Variants in SPTBN1 observed in about 807,000 individuals in gnomAD.
SPTBN1 encodes the protein spectrin beta, non-erythrocytic 1.
SPTBN1 carries 32 observed loss-of-function variants against 266.4 expected under a neutral mutation model. That is an observed-to-expected ratio of 0.12 (90% confidence interval 0.09 to 0.16). The LOEUF is 0.16. Ranked by LOEUF, SPTBN1 falls within the 10% of genes least tolerant of loss-of-function variation. SPTBN1 has a pLI of 1.00. For synonymous variants in SPTBN1, 1,336 were observed against 1,162.2 expected (o/e 1.15, Z -3.04); for missense variants, 2,296 against 3,067.1 (o/e 0.75, Z 5.94).
intron 1 of SPTBN1, among the ~76,000 whole-genome samples, chr2:54,475,240 C>A (rs945923673): frequency 5.9e-5 from 9 of 152,058 alleles, no homozygotes; most frequent in Admixed American, 6.6e-5. Context: ...GTATCCCTTG[C>A]AAACGGTTAG....
rs1670022171 is a variant in SPTBN1 at position 54,514,668 on chromosome 2, A to C, written c.-47-11704A>C. The stretch of plus-strand genomic sequence containing the variant: ...TAATGAATGGGACCCATGATATGTG[A>C]AATTCTAATTCTTTAGTACAGAGAA... On this transcript the variant is annotated intron_variant, in intron 1 of 35. Coordinates refer to ENST00000356805, the MANE Select transcript of SPTBN1 (RefSeq NM_003128.3). Among the ~76,000 whole-genome samples, 3 of 152,206 alleles carry C rather than the reference A, an allele frequency of 2.0e-5. 1 individual carries two copies. The South Asian group carries it at 6.2e-4, about 32-fold the overall frequency.
chr2:54,649,183 A>G lies in SPTBN1; in HGVS notation c.5195A>G (p.His1732Arg). The change falls in exon 25 of 36, where the codon CAT becomes CGT. Residue 1732 changes from histidine (H) to arginine (R), a missense_variant. His to Arg is a conservative substitution (Grantham distance 29). Transcript: ENST00000356805. This position sits in a 1 kb window ranked among gnomAD's most constrained non-coding sequence, Gnocchi z 6.7. ...CATGAACTGGGACAGGACTATGAGCATGTCACGGCAAGTACTTGAGGCAGT... is the reference window on the plus strand; with the variant it reads ...CATGAACTGGGACAGGACTATGAGCGTGTCACGGCAAGTACTTGAGGCAGT... ...GSHELGQDYE[H>R]VTMLQERFRE... The G allele has an allele frequency of 1.3e-6, 2 of 1,596,864 alleles. No homozygotes were observed. Among genetic ancestry groups the G allele is most frequent in the Non-Finnish European group, 1.7e-6 (2 of 1,166,834 alleles).
At chr2:54,574,804 C>G (rs1478445128) in intron 2 of SPTBN1, among the ~76,000 whole-genome samples, 1 of 152,228 alleles carries the variant, frequency 6.6e-6, no homozygotes, top group African/African-American at 2.4e-5. Context: ...TGACTTCTTT[C>G]TCCTGCATCA....
chr2:54,492,349 G>GTTTT (rs542155672), intron 1 of SPTBN1, among the ~76,000 whole-genome samples: 1 of 132,632 alleles, frequency 7.5e-6, no homozygotes, highest in African/African-American at 2.8e-5. Flanking sequence ...TTGTTTTTTT[G>GTTTT]TTTTTTTTTT....
chr2:54,667,950 G>A (rs1381776270), intron 35 of SPTBN1, among the ~76,000 whole-genome samples: 1 of 152,168 alleles, frequency 6.6e-6, no homozygotes, highest in African/African-American at 2.4e-5. Context: ...TGGGACCCCC[G>A]CTGCACCCTT....
At chr2:54,504,322 A>G (rs1669438919) in intron 1 of SPTBN1, among the ~76,000 whole-genome samples, 1 of 152,194 alleles carries the variant, frequency 6.6e-6, no homozygotes. Context: ...GCTAGTAGGA[A>G]TATTTCCTCC....
Position 54,485,420 on chromosome 2 carries a change from T to C in SPTBN1, c.-48+28902T>C, listed in dbSNP as rs1037114553. On this transcript the variant is annotated intron_variant, in intron 1 of 35. Coordinates refer to ENST00000356805, the MANE Select transcript of SPTBN1 (RefSeq NM_003128.3). Reference sequence around the variant, plus strand: ...GTTGGCCGGGCTGGTCTCCAGCTCCTAACCGTGAGTGATCTGCCAGCCTCG... The same window carrying C: ...GTTGGCCGGGCTGGTCTCCAGCTCCCAACCGTGAGTGATCTGCCAGCCTCG... 9.2e-5 allele frequency among the ~76,000 whole-genome samples: 14 copies of C among 152,246 alleles called. 1 individual carries two copies. Among genetic ancestry groups the C allele is most frequent in the Admixed American group, 7.8e-4 (12 of 15,290 alleles).
intron 1 of SPTBN1, among the ~76,000 whole-genome samples, chr2:54,487,374 A>G (rs958629197): frequency 6.8e-6 from 1 of 147,808 alleles, no homozygotes; most frequent in Admixed American, 6.8e-5. Context: ...TTTGATGTGT[A>G]CTTGTTTGCA....
chr2:54,617,344 G>C (rs895511495), intron 5 of SPTBN1, among the ~76,000 whole-genome samples: 5 of 152,222 alleles, frequency 3.3e-5, no homozygotes, highest in African/African-American at 1.2e-4. Context: ...AGTAAGAGTA[G>C]TGTTTTAAAT....
Position 54,568,349 on chromosome 2 carries a change from CAAAAAAAAAAA to C in SPTBN1, c.149-30730_149-30720del, listed in dbSNP as rs888478845. 1.0e-4 allele frequency among the ~76,000 whole-genome samples: 10 copies of C among 95,680 alleles called. No homozygotes were observed. The East Asian group carries it at 1.5e-3, about 15-fold the overall frequency. The allele number at this position is 95,680 out of a possible 152,430, so 62.8% of individuals were successfully genotyped here. A position where few individuals can be genotyped will look rare whatever the true frequency, so the allele number is the denominator to read the frequency against. On this transcript the variant is annotated intron_variant, in intron 2 of 35. Coordinates refer to ENST00000356805, the MANE Select transcript of SPTBN1 (RefSeq NM_003128.3). Reference sequence around the variant, plus strand: ...TGGGCAACAGAGTAAGACTCTGTCTCAAAAAAAAAAAAAAAAAAAAAAAGAAGAAGAAGCAC... The same window carrying C: ...TGGGCAACAGAGTAAGACTCTGTCTCAAAAAAAAAAAAGAAGAAGAAGCAC...
At position 54,659,212 on chromosome 2, in the gene SPTBN1, C is replaced by A; in HGVS notation, c.6302C>A (p.Pro2101His). 1 of 1,614,098 alleles carries A rather than the reference C, an allele frequency of 6.2e-7. No homozygotes were observed. Among genetic ancestry groups the A allele is most frequent in the Non-Finnish European group, 8.5e-7 (1 of 1,180,004 alleles). The change falls in exon 31 of 36, where the codon CCT becomes CAT. Residue 2101 changes from proline (P) to histidine (H), a missense_variant. Around this residue, in one of 12 missense-constraint regions of SPTBN1, gnomAD observed 347 missense variants for 368.5 expected, o/e 0.94. Transcript: ENST00000356805. ...GAAGAGGAGAGGAAGAGGCGGCCGC[C>A]TTCTCCCGAGCCGAGCACGAAGGTT... ...QEEEERKRRP[P>H]SPEPSTKVSE... is the part of the protein sequence containing the mutation.
In SPTBN1 at chr2:54,628,314, A is replaced by G; in HGVS notation, c.1798+64A>G. 6.6e-7 allele frequency: 1 copy of G among 1,510,448 alleles called. No individual in the cohort carries two copies. The highest frequency in any genetic ancestry group is 8.9e-7 in the Non-Finnish European group (1 of 1,129,922). 93.6% of individuals were successfully genotyped at this position (1,510,448 alleles called of 1,614,324 possible). A position where few individuals can be genotyped will look rare whatever the true frequency, so the allele number is the denominator to read the frequency against. On this transcript the variant is annotated intron_variant, in intron 13 of 35. Coordinates refer to ENST00000356805, the MANE Select transcript of SPTBN1 (RefSeq NM_003128.3). This position sits in a 1 kb window ranked among gnomAD's most constrained non-coding sequence, Gnocchi z 4.3. ...CAGAGATTCATATTTATAGAAACAC[A>G]GTGGGGCTTTTGAAGTTACTGTGCC...
chr2:54,598,977 T>A, intron 2 of SPTBN1, 115 bp from the exon 3 acceptor site: 4 of 1,165,770 alleles, frequency 3.4e-6, no homozygotes, highest in Non-Finnish European at 3.7e-6. Flanking sequence ...AGAGGTGTCC[T>A]TGGAGGTCAG....
intron 1 of SPTBN1, among the ~76,000 whole-genome samples, chr2:54,520,060 C>G (rs566600345): frequency 6.6e-6 from 1 of 152,040 alleles, no homozygotes; most frequent in Non-Finnish European, 1.5e-5. Flanking sequence ...CTGTCAGCAC[C>G]GGGTAACCAG....
chr2:54,483,669 G>A (rs149931113), intron 1 of SPTBN1, among the ~76,000 whole-genome samples: 2 of 152,050 alleles, frequency 1.3e-5, no homozygotes, highest in East Asian at 4.1e-4. Flanking sequence ...CTGGGCACAG[G>A]AAGTGGGTAG....
chr2:54,613,447 G>A (rs1250979839), intron 4 of SPTBN1, among the ~76,000 whole-genome samples: 2 of 152,166 alleles, frequency 1.3e-5, no homozygotes, highest in Admixed American at 6.5e-5. Flanking sequence ...CTTGCCCTAC[G>A]ATTGGGCTTC....
At chr2:54,466,827 T>C (rs1693660715) in intron 1 of SPTBN1, among the ~76,000 whole-genome samples, 1 of 152,222 alleles carries the variant, frequency 6.6e-6, no homozygotes, top group African/African-American at 2.4e-5. Flanking sequence ...CTAAATATAC[T>C]TTCTGCTGTT....
At chr2:54,472,179 C>T (rs1243996281) in intron 1 of SPTBN1, among the ~76,000 whole-genome samples, 1 of 151,888 alleles carries the variant, frequency 6.6e-6, no homozygotes, top group Non-Finnish European at 1.5e-5. Flanking sequence ...AGGCACCCAC[C>T]ACCACGCCCA....
At chr2:54,656,797 G>A (rs1163485906) in intron 29 of SPTBN1, among the ~76,000 whole-genome samples, 2 of 152,188 alleles carry the variant, frequency 1.3e-5, no homozygotes, top group African/African-American at 2.4e-5. Flanking sequence ...TTTGCAGGAG[G>A]ATTTGGTCTG....
Sources: allele counts gnomAD v4.1 joint callset (sites outside exome capture counted in the v4.1 genomes callset), GRCh38; gene constraint gnomAD v4.1.1; regional missense constraint gnomAD v4.1.1; non-coding constraint Gnocchi (gnomAD v3.1); transcripts MANE v1.5; gene names NCBI Gene and HGNC (gene_info 2026-07-23, HGNC 2026-07-21).